The following GPR89B variants were observed in gnomAD, a reference collection of about 807,000 sequenced individuals.
GPR89B encodes G protein-coupled receptor 89B.
Under a neutral mutation model 52.4 loss-of-function variants are expected in GPR89B, and 25 were observed. The observed-to-expected ratio is 0.48, with a 90% CI of 0.35 to 0.67. GPR89B has a LOEUF of 0.67. Ranked by LOEUF, GPR89B falls within the 30% of genes least tolerant of loss-of-function variation. GPR89B has a pLI of 0.01. For synonymous variants in GPR89B, 52 were observed against 151.2 expected (o/e 0.34, Z 4.81); for missense variants, 146 against 450.2 (o/e 0.32, Z 6.11).
In GPR89B at chr1:147,968,905, C is replaced by T; in HGVS notation, c.758C>T (p.Ala253Val). 6.2e-7 allele frequency: 1 copy of T among 1,611,142 alleles called. No individual in the cohort carries two copies. Among genetic ancestry groups the T allele is most frequent in the South Asian group, 1.1e-5 (1 of 90,974 alleles). Reference protein sequence around the residue: ...NLTLIQQEVDALEELSRQLFL... With the variant: ...NLTLIQQEVDVLEELSRQLFL... ...ACTCTTATTCAACAGGAAGTGGATGCTTTGGAAGAATTAAGCAGGCAGCTT... is the reference window on the plus strand; with the variant it reads ...ACTCTTATTCAACAGGAAGTGGATGTTTTGGAAGAATTAAGCAGGCAGCTT... Residue 253 changes from alanine to valine, a missense_variant, in exon 9 of 14, where the codon GCT becomes GTT. By Grantham distance (64) the Ala-to-Val change is moderately conservative. Transcript: ENST00000314163.
At chr1:147,958,834 C>G (rs1362574121) in intron 7 of GPR89B, among the ~76,000 whole-genome samples, 6,678 of 151,964 alleles carry the variant, frequency 0.044, 232 homozygotes, top group African/African-American at 0.073. Context: ...GAGTGGCTCA[C>G]AGAAGAATCA....
At chr1:147,980,368 C>T (rs1466187509) in intron 10 of GPR89B, among the ~76,000 whole-genome samples, 5 of 120,326 alleles carry the variant, frequency 4.2e-5, no homozygotes, top group Non-Finnish European at 6.6e-5. Context: ...TTTAAAGATA[C>T]AGGGTTTATG....
chr1:148,013,527 G>T, the GPR89B span, among the ~76,000 whole-genome samples: 1 of 152,096 alleles, frequency 6.6e-6, no homozygotes, highest in Non-Finnish European at 1.5e-5. Flanking sequence ...AGCTTCCGCA[G>T]GAGCATTTCC....
intron 5 of GPR89B, among the ~76,000 whole-genome samples, chr1:147,950,183 G>A (rs1232428778): frequency 5.3e-4 from 79 of 150,242 alleles, no homozygotes; most frequent in Non-Finnish European, 1.0e-3. Context: ...CATATGGGGC[G>A]GTTGCCAGGC....
intron 5 of GPR89B, among the ~76,000 whole-genome samples, chr1:147,949,242 T>C (rs1223133286): frequency 2.0e-5 from 3 of 151,888 alleles, no homozygotes; most frequent in African/African-American, 7.3e-5. Flanking sequence ...AAACCGCCAT[T>C]GTCATCATGG....
chr1:147,962,423 C>CAAA (rs1176963367), intron 7 of GPR89B, among the ~76,000 whole-genome samples: 4 of 80,940 alleles, frequency 4.9e-5, no homozygotes, highest in Non-Finnish European at 1.0e-4. Flanking sequence ...AACTCTGTCT[C>CAAA]AAAAAAAAAA....
At chr1:147,945,140 C>G (rs1459907117) in intron 5 of GPR89B, among the ~76,000 whole-genome samples, 2 of 137,396 alleles carry the variant, frequency 1.5e-5, no homozygotes, top group Admixed American at 7.6e-5. Context: ...TCACCTGCCA[C>G]TCAGGGTCTA....
intron 7 of GPR89B, among the ~76,000 whole-genome samples, chr1:147,961,167 C>T (rs1437794183): frequency 2.7e-5 from 4 of 150,342 alleles, no homozygotes; most frequent in East Asian, 2.0e-4. Flanking sequence ...GGTGACAGAG[C>T]GAGACTCTGT....
At chr1:147,944,811 A>G (rs1654822618) in intron 5 of GPR89B, among the ~76,000 whole-genome samples, 1 of 145,128 alleles carries the variant, frequency 6.9e-6, no homozygotes, top group Non-Finnish European at 1.5e-5. Context: ...ATCTATCTAA[A>G]AAGATTAGAG....
intron 9 of GPR89B, chr1:147,969,292 A>G: frequency 2.9e-6 from 1 of 343,506 alleles, no homozygotes. Flanking sequence ...AGTTAGTAAT[A>G]TTATAAGAGC....
In GPR89B at chr1:147,986,420, T is replaced by G. The variant is rs1317015417; in HGVS notation, c.1005+126T>G. Reference sequence around the variant, plus strand: ...CTGCTTTTGTTCTTCCCACTCTGTATATTTTGACGTATTCACATGGAAAAT... The same window carrying G: ...CTGCTTTTGTTCTTCCCACTCTGTAGATTTTGACGTATTCACATGGAAAAT... On this transcript the variant is annotated intron_variant, in intron 11 of 13. Coordinates refer to ENST00000314163, the MANE Select transcript of GPR89B (RefSeq NM_016334.5). 9.5e-6 allele frequency: 7 copies of G among 735,364 alleles called. No homozygotes were observed. The African/African-American group carries it at 1.2e-4, about 13-fold the overall frequency. 45.6% of individuals were successfully genotyped at this position (735,364 alleles called of 1,614,324 possible). A position where few individuals can be genotyped will look rare whatever the true frequency, so the allele number is the denominator to read the frequency against.
chr1:147,958,297 C>G (rs1288144549), intron 7 of GPR89B, among the ~76,000 whole-genome samples: 1 of 151,974 alleles, frequency 6.6e-6, no homozygotes, highest in Admixed American at 6.5e-5. Flanking sequence ...ATAAACAATA[C>G]TATTTTGATT....
the GPR89B span, among the ~76,000 whole-genome samples, chr1:148,003,438 TAGTA>T: frequency 2.0e-5 from 3 of 152,132 alleles, no homozygotes; most frequent in Admixed American, 6.5e-5. Flanking sequence ...GACATCGTGT[TAGTA>T]AGTTGAAATT....
At chr1:147,972,006 C>T in intron 10 of GPR89B, among the ~76,000 whole-genome samples, 1 of 151,920 alleles carries the variant, frequency 6.6e-6, no homozygotes, top group Admixed American at 6.6e-5. Context: ...AGACGACTGC[C>T]AGTCTGCTTT....
At chr1:148,009,212 G>C in the GPR89B span, 1 of 870,144 alleles carries the variant, frequency 1.1e-6, no homozygotes, top group Non-Finnish European at 1.8e-6. Context: ...AGGGAGGCAA[G>C]CTGTTGCAAG....
chr1:147,949,400 C>A (rs1285957713), intron 5 of GPR89B, among the ~76,000 whole-genome samples: 2 of 137,408 alleles, frequency 1.5e-5, no homozygotes, highest in African/African-American at 5.8e-5. Context: ...CTGACCCCCC[C>A]ACCTCCCTCC....
chr1:147,935,849 C>G (rs1654039385), intron 1 of GPR89B, among the ~76,000 whole-genome samples: 1 of 152,130 alleles, frequency 6.6e-6, no homozygotes, highest in Admixed American at 6.5e-5. Context: ...ATCTTCCCAC[C>G]TCAGCCTCCC....
chr1:147,939,264 AT>A (rs1442549354), intron 3 of GPR89B, among the ~76,000 whole-genome samples: 1 of 147,808 alleles, frequency 6.8e-6, no homozygotes, highest in Non-Finnish European at 1.5e-5. Context: ...ATTTTTATTG[AT>A]TTTACAGTCA....
At chr1:147,995,070 G>A (rs1289312454), downstream of GPR89B, among the ~76,000 whole-genome samples, 2 of 152,068 alleles carry the variant, frequency 1.3e-5, no homozygotes, top group Non-Finnish European at 2.9e-5. Flanking sequence ...AATAAAACTG[G>A]AATACCTGTC....
Sources: allele counts gnomAD v4.1 joint callset (sites outside exome capture counted in the v4.1 genomes callset), GRCh38; gene constraint gnomAD v4.1.1; transcripts MANE v1.5; gene names NCBI Gene and HGNC (gene_info 2026-07-23, HGNC 2026-07-21).